GRIK4: variants seen among roughly 807,000 people sequenced by gnomAD.
The protein encoded by GRIK4 is glutamate receptor ionotropic, kainate 4.
A neutral mutation model predicts 104.9 loss-of-function variants in GRIK4; 40 were observed. The observed-to-expected ratio is 0.38, with a 90% CI of 0.30 to 0.50. GRIK4 has a LOEUF of 0.50. Ranked by LOEUF, GRIK4 falls within the 20% of genes least tolerant of loss-of-function variation. GRIK4 has a pLI of 0.93. For missense variants in GRIK4, 1,047 were observed against 1,308.1 expected (o/e 0.80, Z 3.08); for synonymous variants, 485 against 524.9 (o/e 0.92, Z 1.04).
At chr11:120,621,524 G>A (rs902792096) in intron 1 of GRIK4, among the ~76,000 whole-genome samples, 3 of 152,214 alleles carry the variant, frequency 2.0e-5, no homozygotes, top group African/African-American at 7.2e-5. Context: ...CTGGCAGTGA[G>A]GCAAGGGAGG....
chr11:120,785,527 CA>C (rs1462892852), intron 3 of GRIK4, among the ~76,000 whole-genome samples: 2 of 152,088 alleles, frequency 1.3e-5, no homozygotes, highest in African/African-American at 4.8e-5. Context: ...CATTTTGTTC[CA>C]GGGGTCATGT....
chr11:120,558,204 G>C (rs1054618783), intron 1 of GRIK4, among the ~76,000 whole-genome samples: 2 of 152,142 alleles, frequency 1.3e-5, no homozygotes, highest in Admixed American at 6.5e-5. Context: ...TGAGAGGGCT[G>C]TTATGAGGTT....
intron 18 of GRIK4, among the ~76,000 whole-genome samples, chr11:120,964,043 A>C (rs1175229964): frequency 6.6e-6 from 1 of 151,008 alleles, no homozygotes; most frequent in African/African-American, 2.4e-5. Context: ...CCCAGGCTGG[A>C]GTGCAGTGGC....
intron 1 of GRIK4, among the ~76,000 whole-genome samples, chr11:120,533,050 T>C (rs771645886): frequency 3.3e-5 from 5 of 151,986 alleles, no homozygotes; most frequent in Non-Finnish European, 7.4e-5. Flanking sequence ...GAGGCCAATG[T>C]AGGGGGGCGC....
intron 8 of GRIK4, among the ~76,000 whole-genome samples, chr11:120,851,867 C>T (rs1470489538): frequency 3.3e-5 from 5 of 152,206 alleles, no homozygotes; most frequent in African/African-American, 9.7e-5. Flanking sequence ...TTAACAGCAT[C>T]GCTCATCTTC....
chr11:120,927,422 C>T (rs1264534965), intron 13 of GRIK4, among the ~76,000 whole-genome samples: 1 of 151,938 alleles, frequency 6.6e-6, no homozygotes, highest in Non-Finnish European at 1.5e-5. Context: ...CAGAAATTAG[C>T]TGGGTGTGGT....
At chr11:120,924,923 C>G (rs962592042) in intron 13 of GRIK4, among the ~76,000 whole-genome samples, 2 of 152,194 alleles carry the variant, frequency 1.3e-5, no homozygotes, top group Admixed American at 6.5e-5. Flanking sequence ...GCCCTGCTGC[C>G]CTTTGCAGTG....
rs140463580 is a variant in GRIK4 at position 120,616,231 on chromosome 11, C to T, written c.-158-37454C>T. ...TGTGGACTGACCCATATTTGAGCCACGGAGTCTGGGCCAGCCCCAGGAGCA... is the reference window on the plus strand; with the variant it reads ...TGTGGACTGACCCATATTTGAGCCATGGAGTCTGGGCCAGCCCCAGGAGCA... On this transcript the variant is annotated intron_variant, in intron 1 of 20. Coordinates refer to ENST00000527524, the MANE Select transcript of GRIK4 (RefSeq NM_014619.5). 6.9e-3 allele frequency among the ~76,000 whole-genome samples: 1,051 copies of T among 152,208 alleles called. 20 individuals carry two copies. The highest frequency in any genetic ancestry group is 0.025 in the African/African-American group (1,019 of 41,518).
intron 13 of GRIK4, among the ~76,000 whole-genome samples, chr11:120,933,804 A>G (rs916378246): frequency 6.6e-6 from 1 of 152,198 alleles, no homozygotes; most frequent in Non-Finnish European, 1.5e-5. Flanking sequence ...TTGGACGGCA[A>G]GGAGCAGAGG....
chr11:120,977,605 A>G (rs1019650351), intron 19 of GRIK4, among the ~76,000 whole-genome samples: 1 of 152,182 alleles, frequency 6.6e-6, no homozygotes, highest in Admixed American at 6.5e-5. Context: ...CACGAATGGT[A>G]TACAAGCCTT....
At chr11:120,985,840 G>A (rs1305108521) in intron 20 of GRIK4, 64 bp from the exon 21 acceptor site, 1 of 1,456,852 alleles carries the variant, frequency 6.9e-7, no homozygotes, top group Non-Finnish European at 9.4e-7. Context: ...CATCCCAGCG[G>A]ACTCGCAGGG....
intron 1 of GRIK4, among the ~76,000 whole-genome samples, chr11:120,567,439 G>A (rs774712382): frequency 6.6e-6 from 1 of 152,190 alleles, no homozygotes; most frequent in Non-Finnish European, 1.5e-5. Context: ...GATTACAGGT[G>A]TGAGGCATCT....
intron 11 of GRIK4, among the ~76,000 whole-genome samples, chr11:120,889,587 A>T (rs1955216719): frequency 2.4e-5 from 2 of 83,780 alleles, no homozygotes; most frequent in Admixed American, 2.9e-4. Context: ...GAAAGAGCTT[A>T]CATTTTTTTT....
At chr11:120,625,979 A>G (rs1431088655) in intron 1 of GRIK4, among the ~76,000 whole-genome samples, 3 of 152,166 alleles carry the variant, frequency 2.0e-5, no homozygotes, top group African/African-American at 4.8e-5. Context: ...TAAAAGGCCA[A>G]CTTCATCTGC....
chr11:120,664,402 G>A (rs1231378900), intron 3 of GRIK4, among the ~76,000 whole-genome samples: 1 of 152,192 alleles, frequency 6.6e-6, no homozygotes, highest in Non-Finnish European at 1.5e-5. Context: ...GCCAAGCACT[G>A]AGGATGCAGT....
chr11:120,970,045 A>G (rs960868472), intron 19 of GRIK4, among the ~76,000 whole-genome samples: 30 of 152,170 alleles, frequency 2.0e-4, no homozygotes, highest in African/African-American at 7.0e-4. Context: ...CAACAGAGCC[A>G]GGCACATAGT....
intron 1 of GRIK4, among the ~76,000 whole-genome samples, chr11:120,522,047 A>T (rs1947801710): frequency 6.6e-6 from 1 of 152,246 alleles, no homozygotes; most frequent in African/African-American, 2.4e-5. Flanking sequence ...ACACATGAGG[A>T]AATACATAAC....
chr11:120,613,661 G>A (rs908705328), intron 1 of GRIK4, among the ~76,000 whole-genome samples: 5 of 152,222 alleles, frequency 3.3e-5, no homozygotes, highest in East Asian at 3.9e-4. Flanking sequence ...GATGCCCTCC[G>A]TGTTTTTCCA....
chr11:120,963,709 A>T (rs143815723), intron 18 of GRIK4, among the ~76,000 whole-genome samples: 56 of 152,324 alleles, frequency 3.7e-4, no homozygotes, highest in African/African-American at 1.3e-3. Context: ...GGATTCACTC[A>T]CACCTGTGGA....
Sources: gnomAD v4.1 joint callset for allele counts (sites outside exome capture counted in the v4.1 genomes callset) on GRCh38, gnomAD v4.1.1 for gene constraint, MANE v1.5 for transcripts, NCBI Gene and HGNC (gene_info 2026-07-23, HGNC 2026-07-21) for gene names.